Variants in ZNF646 observed in about 807,000 individuals in gnomAD.
ZNF646 encodes the protein zinc finger protein 646.
In ZNF646, 49 loss-of-function variants were observed where a neutral mutation model predicts 115.4. The observed-to-expected ratio is 0.42, with a 90% CI of 0.34 to 0.54. ZNF646 has a LOEUF of 0.54. Among genes scored for constraint, ZNF646 ranks in the 20% least tolerant of loss-of-function variants. The pLI is 0.04. For missense variants in ZNF646, 2,269 were observed against 2,457.9 expected, an observed-to-expected ratio of 0.92 and a Z score of 1.62; for synonymous variants, 933 against 939.0, an observed-to-expected ratio of 0.99 and a Z score of 0.12.
chr16:31,074,223 C>G (rs2057045786), upstream of ZNF646: 1 of 152,314 alleles, frequency 6.6e-6, no homozygotes, highest in African/African-American at 2.4e-5. Flanking sequence ...TCTAGCTGCT[C>G]TTGCCGGAAG....
intron 2 of ZNF646, chr16:31,082,174 G>A (rs1182909058): frequency 4.4e-5 from 9 of 204,800 alleles, no homozygotes; most frequent in Admixed American, 1.2e-4. Flanking sequence ...TGGGCTCCAC[G>A]GCTTCCCTGC....
In ZNF646 at chr16:31,081,633, TC is replaced by T. The variant is rs776922865; in HGVS notation, c.5311del (p.Arg1771AlafsTer29). 1.2e-6 allele frequency: 2 copies of T among 1,608,540 alleles called. No individual in the cohort carries two copies. Among genetic ancestry groups the T allele is most frequent in the African/African-American group, 1.3e-5 (1 of 74,964 alleles). On this transcript the variant is annotated frameshift_variant, in exon 2 of 3. Coordinates refer to ENST00000300850, the MANE Select transcript of ZNF646 (RefSeq NM_014699.4). LOFTEE classifies it high-confidence loss of function. ...ACCTGCCCCCATTGTCCCCGCCACT[TC>T]CGCCGCCGAATCAGCTTCGTGCAGC... The part of the protein sequence containing the change: ...PFTCPHCPRH[F>X]RRRISFVQHQ...
Position 31,078,645 on chromosome 16 carries a change from T to G in ZNF646, c.2321T>G (p.Ile774Ser), listed in dbSNP as rs2057110699. 2 of 1,614,104 alleles carry G rather than the reference T, an allele frequency of 1.2e-6. No homozygotes were observed. The highest frequency in any genetic ancestry group is 1.7e-6 in the Non-Finnish European group (2 of 1,179,984). The part of the protein sequence containing the change: ...KDASLLDNLD[I>S]PGEEGGGTHF... ...GCCAGTTTACTTGACAACTTGGACA[T>G]CCCAGGTGAGGAAGGTGGTGGCACT... Residue 774 changes from isoleucine (I) to serine (S), a missense_variant, in exon 2 of 3, where the codon ATC becomes AGC. By Grantham distance (142) the Ile-to-Ser change is moderately radical. This residue lies in a region of ZNF646 where 852 missense variants were observed against 900.2 expected (regional missense o/e 0.95). Transcript: ENST00000300850.
chr16:31,084,156 C>T lies in ZNF646; in HGVS notation c.*1064C>T, dbSNP rs774231704. 1.9e-5 allele frequency: 30 copies of T among 1,597,240 alleles called. No individual in the cohort carries two copies. Among genetic ancestry groups the T allele is most frequent in the South Asian group, 1.7e-4 (15 of 88,474 alleles). On this transcript the variant is annotated 3_prime_UTR_variant, in exon 3 of 3. Transcript: ENST00000300850. Reference sequence around the variant, plus strand: ...GGCAGCTTCCAGGCTCAGCCTCGGGCTCTGGTTCCTCGGCGAAGTAGACCT... The same window carrying T: ...GGCAGCTTCCAGGCTCAGCCTCGGGTTCTGGTTCCTCGGCGAAGTAGACCT...
At position 31,077,155 on chromosome 16, in the gene ZNF646, C is replaced by T. The variant is rs760682973; in HGVS notation, c.831C>T (p.Asn277=). The change falls in exon 2 of 3, where the codon AAC becomes AAT. Residue 277 remains asparagine (N), a synonymous_variant. Transcript: ENST00000300850. The part of the protein sequence containing the change: ...PCAICFKEFS[N]LMALKNHSRL... The stretch of plus-strand genomic sequence containing the variant: ...CCATCTGTTTCAAGGAGTTCTCTAA[C>T]CTCATGGCTCTGAAGAACCACTCTC... 6.2e-6 allele frequency: 10 copies of T among 1,614,192 alleles called. No individual in the cohort carries two copies. The East Asian group carries it at 6.7e-5, about 11-fold the overall frequency.
At chr16:31,082,924 G>T in intron 2 of ZNF646, 47 bp from the exon 3 acceptor site, 2 of 1,549,798 alleles carry the variant, frequency 1.3e-6, no homozygotes, top group Non-Finnish European at 1.7e-6. Flanking sequence ...TACACGCTGT[G>T]CGGGGTCTGC....
At chr16:31,081,798 A>C in intron 2 of ZNF646, 97 bp downstream of exon 2, 1 of 1,444,968 alleles carries the variant, frequency 6.9e-7, no homozygotes, top group Non-Finnish European at 9.2e-7. Context: ...GAGAGGAGAG[A>C]GCCCCGGGGA....
Position 31,084,072 on chromosome 16 carries a change from G to C in ZNF646, c.*980G>C. The C allele has an allele frequency of 3.2e-6, 5 of 1,540,800 alleles. No individual in the cohort carries two copies. In the African/African-American group the frequency reaches 4.1e-5, roughly 13 times the overall value. Reference sequence around the variant, plus strand: ...CGGCACGTTCTCACTGGAGAGAGAAGGGTCCTGGAGAGGCAGGGTTTGGCA... The same window carrying C: ...CGGCACGTTCTCACTGGAGAGAGAACGGTCCTGGAGAGGCAGGGTTTGGCA... On this transcript the variant is annotated 3_prime_UTR_variant, in exon 3 of 3. Transcript: ENST00000300850.
In ZNF646 at chr16:31,078,351, A is replaced by C. The variant is rs780893066; in HGVS notation, c.2027A>C (p.Lys676Thr). Residue 676 changes from lysine (K) to threonine (T), a missense_variant, in exon 2 of 3, where the codon AAG becomes ACG. Physicochemically the swap from Lys to Thr is moderately conservative, Grantham distance 78 (BLOSUM62 -1). Transcript: ENST00000300850. ...CGGCGGCGGAGCAGGCGGCATCGGA[A>C]GCGGGCTGGCGGTGCCAGCGGTGGG... ...HSRRRSRRHR[K>T]RAGGASGGRE... The C allele has an allele frequency of 8.7e-6, 14 of 1,613,222 alleles. No homozygotes were observed. In the South Asian group the frequency reaches 1.5e-4, roughly 18 times the overall value.
rs200795473 is a variant in ZNF646 at position 31,080,387 on chromosome 16, C to T, written c.4063C>T (p.Arg1355Trp). 418 of 1,613,076 alleles carry T rather than the reference C, an allele frequency of 2.6e-4. No individual in the cohort carries two copies. Among genetic ancestry groups the T allele is most frequent in the Admixed American group, 1.2e-3 (73 of 60,008 alleles). Residue 1355 changes from arginine to tryptophan, a missense_variant, in exon 2 of 3, where the codon CGG becomes TGG. By Grantham distance (101) the Arg-to-Trp change is moderately radical (BLOSUM62 -3). Transcript: ENST00000300850. ...QRLHSENRRRRAGRSRRTAVR... is the reference protein window; with the variant it reads ...QRLHSENRRRWAGRSRRTAVR... ...GCTGCACTCAGAGAATCGGCGGCGACGGGCTGGACGGTCCAGGCGCACAGC... is the reference window on the plus strand; with the variant it reads ...GCTGCACTCAGAGAATCGGCGGCGATGGGCTGGACGGTCCAGGCGCACAGC...
chr16:31,083,200 C>A lies in ZNF646; in HGVS notation c.*108C>A. 6.9e-7 allele frequency: 1 copy of A among 1,457,730 alleles called. No individual in the cohort carries two copies. The highest frequency in any genetic ancestry group is 9.1e-7 in the Non-Finnish European group (1 of 1,094,692). 90.3% of individuals were successfully genotyped at this position (1,457,730 alleles called of 1,614,324 possible). Reference sequence around the variant, plus strand: ...TTCGGGCATCCCCATATCTTCTCCTCTCCCCTTGTGAAGAGGACCCAGATC... The same window carrying A: ...TTCGGGCATCCCCATATCTTCTCCTATCCCCTTGTGAAGAGGACCCAGATC... On this transcript the variant is annotated 3_prime_UTR_variant, in exon 3 of 3. Coordinates refer to ENST00000300850, the MANE Select transcript of ZNF646 (RefSeq NM_014699.4).
chr16:31,076,029 G>A, intron 1 of ZNF646: 1 of 368,078 alleles, frequency 2.7e-6, no homozygotes, highest in Non-Finnish European at 4.9e-6. Context: ...ATACCTGTAG[G>A]GATGACTTAA....
In ZNF646 at chr16:31,077,475, G is replaced by A. The variant is rs374584156; in HGVS notation, c.1151G>A (p.Arg384His). 1.1e-5 allele frequency: 18 copies of A among 1,613,154 alleles called. No homozygotes were observed. Among genetic ancestry groups the A allele is most frequent in the Admixed American group, 1.7e-5 (1 of 59,990 alleles). The change falls in exon 2 of 3, where the codon CGC becomes CAC. Residue 384 changes from arginine to histidine, a missense_variant. Physicochemically the swap from Arg to His is conservative, Grantham distance 29. This residue lies in a region of ZNF646 where 852 missense variants were observed against 900.2 expected (regional missense o/e 0.95). Coordinates refer to ENST00000300850, the MANE Select transcript of ZNF646 (RefSeq NM_014699.4). Reference sequence around the variant, plus strand: ...TGTGGGGACTGTGGCCGTACTTACCGCCATGCTGGGAGCCTCATCAACCAT... The same window carrying A: ...TGTGGGGACTGTGGCCGTACTTACCACCATGCTGGGAGCCTCATCAACCAT... Reference protein sequence around the residue: ...FRCGDCGRTYRHAGSLINHRK... With the variant: ...FRCGDCGRTYHHAGSLINHRK...
Position 31,077,727 on chromosome 16 carries a change from G to C in ZNF646, c.1403G>C (p.Ser468Thr). ...TTLDHRPYKC[S>T]ECGRAYRHRG... is the part of the protein sequence containing the mutation. The stretch of plus-strand genomic sequence containing the variant: ...CTGGACCATCGGCCCTATAAGTGCA[G>C]TGAGTGTGGTCGTGCTTACCGCCAC... The change falls in exon 2 of 3, where the codon AGT (serine) becomes ACT (threonine). Residue 468 changes from serine (S) to threonine (T), a missense_variant. Ser to Thr is a moderately conservative substitution (Grantham distance 58). Around this residue, in one of 5 missense-constraint regions of ZNF646, gnomAD observed 852 missense variants for 900.2 expected, o/e 0.95. Coordinates refer to ENST00000300850, the MANE Select transcript of ZNF646 (RefSeq NM_014699.4). 6.2e-7 allele frequency: 1 copy of C among 1,614,080 alleles called. No individual in the cohort carries two copies. The highest frequency in any genetic ancestry group is 8.5e-7 in the Non-Finnish European group (1 of 1,180,028).
In ZNF646 at chr16:31,076,992, G is replaced by A. The variant is rs1596767571; in HGVS notation, c.668G>A (p.Gly223Glu). ...YLAESVVNFT[G>E]GQEPTQSPPA... ...GCTGAATCAGTAGTGAACTTCACAGGGGGCCAGGAGCCCACCCAGTCCCCT... is the reference window on the plus strand; with the variant it reads ...GCTGAATCAGTAGTGAACTTCACAGAGGGCCAGGAGCCCACCCAGTCCCCT... Residue 223 changes from glycine to glutamate, a missense_variant, in exon 2 of 3, where the codon GGG becomes GAG. Around this residue, in one of 5 missense-constraint regions of ZNF646, gnomAD observed 334 missense variants for 323.5 expected, o/e 1.03. Coordinates refer to ENST00000300850, the MANE Select transcript of ZNF646 (RefSeq NM_014699.4). 6.2e-7 allele frequency: 1 copy of A among 1,613,966 alleles called. No individual in the cohort carries two copies. The highest frequency in any genetic ancestry group is 1.3e-5 in the African/African-American group (1 of 75,016).
rs1165590009 is a variant in ZNF646, at chr16:31,083,016, C to A, written c.5423C>A (p.Pro1808His). ...ACGGGCAGAGGGGACTTGCCATTGCCCCCTCCACCCACCCCCACGACCCCA... is the reference window on the plus strand; with the variant it reads ...ACGGGCAGAGGGGACTTGCCATTGCACCCTCCACCCACCCCCACGACCCCA... ...PVTGRGDLPLPPPPTPTTPLL... is the reference protein window; with the variant it reads ...PVTGRGDLPLHPPPTPTTPLL... The change falls in exon 3 of 3, where the codon CCC (proline) becomes CAC (histidine). Residue 1808 changes from proline to histidine, a missense_variant. By Grantham distance (77) the Pro-to-His change is moderately conservative (BLOSUM62 -2). This residue lies in a region of ZNF646 where 1,062 missense variants were observed against 1,172.8 expected (regional missense o/e 0.91). Transcript: ENST00000300850. 6 of 1,601,030 alleles carry A rather than the reference C, an allele frequency of 3.7e-6. No homozygotes were observed. In the Admixed American group the frequency reaches 1.1e-4, roughly 28 times the overall value.
Position 31,076,714 on chromosome 16 carries a change from G to A in ZNF646, c.390G>A (p.Arg130=), listed in dbSNP as rs2057081340. 1.2e-6 allele frequency: 2 copies of A among 1,613,556 alleles called. No homozygotes were observed. Among genetic ancestry groups the A allele is most frequent in the South Asian group, 1.1e-5 (1 of 91,080 alleles). ...TGTCCACTGACTCCTGGGGCCAAAG[G>A]CTTGGCTCTAGTGAAGGCTGGGAAA... The part of the protein sequence containing the change: ...ETVSTDSWGQ[R]LGSSEGWENQ... The change falls in exon 2 of 3, where the codon AGG becomes AGA. Residue 130 remains arginine, a synonymous_variant. Transcript: ENST00000300850.
chr16:31,079,563 T>C lies in ZNF646; in HGVS notation c.3239T>C (p.Leu1080Pro). The part of the protein sequence containing the change: ...HRKIHQTGDF[L>P]CPVCSRCYPN... Reference sequence around the variant, plus strand: ...AAGATCCACCAGACTGGAGACTTTCTCTGCCCTGTCTGCTCCCGCTGCTAC... The same window carrying C: ...AAGATCCACCAGACTGGAGACTTTCCCTGCCCTGTCTGCTCCCGCTGCTAC... The change falls in exon 2 of 3, where the codon CTC (leucine) becomes CCC (proline). Residue 1080 changes from leucine (L) to proline (P), a missense_variant. Leu to Pro is a moderately conservative substitution (Grantham distance 98). Around this residue, in one of 5 missense-constraint regions of ZNF646, gnomAD observed 1,062 missense variants for 1,172.8 expected, o/e 0.91. Transcript: ENST00000300850. The surrounding 1 kb of genome is among the most constrained non-coding windows in gnomAD (Gnocchi z 5.5). The C allele has an allele frequency of 6.2e-7, 1 of 1,613,378 alleles. No individual in the cohort carries two copies. Among genetic ancestry groups the C allele is most frequent in the East Asian group, 2.2e-5 (1 of 44,870 alleles).
Position 31,080,168 on chromosome 16 carries a change from G to C in ZNF646, c.3844G>C (p.Glu1282Gln). Residue 1282 changes from glutamate (E) to glutamine (Q), a missense_variant, in exon 2 of 3, where the codon GAA (glutamate) becomes CAA (glutamine). Glu to Gln is a conservative substitution (Grantham distance 29, BLOSUM62 2). Transcript: ENST00000300850. The stretch of plus-strand genomic sequence containing the variant: ...GGCCAGCCACCAGCGGGTCCACATG[G>C]AACGGCGTGGGGGTGGGGGCACCCG... The part of the protein sequence containing the change: ...QLASHQRVHM[E>Q]RRGGGGTRKA... 1 of 1,611,712 alleles carries C rather than the reference G, an allele frequency of 6.2e-7. No individual in the cohort carries two copies. Among genetic ancestry groups the C allele is most frequent in the Non-Finnish European group, 8.5e-7 (1 of 1,179,110 alleles).
Sources: gnomAD v4.1 joint callset for allele counts on GRCh38, gnomAD v4.1.1 for gene constraint, gnomAD v4.1.1 regional missense constraint, Gnocchi (gnomAD v3.1) non-coding constraint, MANE v1.5 for transcripts, NCBI Gene and HGNC (gene_info 2026-07-23, HGNC 2026-07-21) for gene names.